The following ATXN7L1 variants were observed in gnomAD, a reference collection of about 807,000 sequenced individuals.
ATXN7L1 encodes the protein ataxin 7 like 1.
A neutral mutation model predicts 70.8 loss-of-function variants in ATXN7L1; 15 were observed. That is an observed-to-expected ratio of 0.21 (90% CI 0.14 to 0.33). The LOEUF (loss-of-function observed/expected upper bound fraction) is 0.33, where lower values mean the gene tolerates loss of function less well. Ranked by LOEUF, ATXN7L1 falls within the 10% of genes least tolerant of loss-of-function variation. The probability of loss-of-function intolerance (pLI) is 1.00; values close to 1 mark genes in which losing one functional copy is unlikely to be tolerated. For missense variants in ATXN7L1, 975 were observed against 1,097.1 expected, an observed-to-expected ratio of 0.89 and a Z score of 1.57; for synonymous variants, 440 against 445.1, an observed-to-expected ratio of 0.99 and a Z score of 0.14.
chr7:105,631,711 C>T (rs547738147), intron 7 of ATXN7L1, among the ~76,000 whole-genome samples: 5 of 152,360 alleles, frequency 3.3e-5, no homozygotes, highest in Admixed American at 1.3e-4. Context: ...AAGTGATCTG[C>T]CTCCCTGGGC....
chr7:105,846,315 A>C (rs56079846), intron 2 of ATXN7L1, among the ~76,000 whole-genome samples: 10,065 of 152,238 alleles, frequency 0.066, 366 homozygotes, highest in Non-Finnish European at 0.079. Flanking sequence ...CTCTAAAAGA[A>C]ATAAAATTTG....
intron 2 of ATXN7L1, among the ~76,000 whole-genome samples, chr7:105,830,328 A>G (rs959600300): frequency 2.6e-5 from 4 of 152,248 alleles, no homozygotes; most frequent in Non-Finnish European, 4.4e-5. Flanking sequence ...AAATGATTCT[A>G]TCCTTCAAAC....
At chr7:105,768,292 A>G (rs1348902464) in intron 3 of ATXN7L1, among the ~76,000 whole-genome samples, 7 of 152,204 alleles carry the variant, frequency 4.6e-5, no homozygotes, top group Admixed American at 4.6e-4. Context: ...CATTCCATAG[A>G]TGGGCAAACA....
chr7:105,811,677 A>G (rs1002320418), intron 2 of ATXN7L1, among the ~76,000 whole-genome samples: 9 of 152,182 alleles, frequency 5.9e-5, no homozygotes, highest in African/African-American at 1.2e-4. Context: ...GAATAAAAGT[A>G]TACATGGGAA....
chr7:105,751,532 A>T (rs1020905023), intron 3 of ATXN7L1, among the ~76,000 whole-genome samples: 3 of 152,080 alleles, frequency 2.0e-5, no homozygotes, highest in Non-Finnish European at 4.4e-5. Flanking sequence ...GCTCCTTGGG[A>T]GACTGAGGTG....
In ATXN7L1 at chr7:105,614,762, G is replaced by A. The variant is rs1793614492; in HGVS notation, c.1572C>T (p.Thr524=). Residue 524 remains threonine (T), a synonymous_variant, in exon 10 of 12, where the codon ACC becomes ACT. Coordinates refer to ENST00000419735, the MANE Select transcript of ATXN7L1 (RefSeq NM_020725.2). The surrounding 1 kb of genome is among the most constrained non-coding windows in gnomAD (Gnocchi z 4.3). ...GCAAAACGGATGCTGGAACGGGGGTGGTGATGTGGGCTGCTGGCGAGGGCA... is the reference window on the plus strand; with the variant it reads ...GCAAAACGGATGCTGGAACGGGGGTAGTGATGTGGGCTGCTGGCGAGGGCA... ...SPLPSPAAHI[T]TPVPASVLQP... 3.2e-6 allele frequency: 5 copies of A among 1,551,598 alleles called. No homozygotes were observed. The highest frequency in any genetic ancestry group is 4.4e-6 in the Non-Finnish European group (5 of 1,146,994).
chr7:105,831,509 T>C (rs888281443), intron 2 of ATXN7L1, among the ~76,000 whole-genome samples: 2 of 152,236 alleles, frequency 1.3e-5, no homozygotes, highest in Non-Finnish European at 2.9e-5. Flanking sequence ...CGAGGAACTA[T>C]GAAAAGTGCT....
intron 3 of ATXN7L1, among the ~76,000 whole-genome samples, chr7:105,739,808 G>A (rs1033959123): frequency 6.6e-6 from 1 of 152,160 alleles, no homozygotes; most frequent in African/African-American, 2.4e-5. Flanking sequence ...CTGGTATTGG[G>A]GATCAGTCGG....
chr7:105,742,920 T>G (rs1240490407), intron 3 of ATXN7L1, among the ~76,000 whole-genome samples: 1 of 152,110 alleles, frequency 6.6e-6, no homozygotes, highest in Non-Finnish European at 1.5e-5. Flanking sequence ...ATCCCACGAT[T>G]CACCTCTCCC....
intron 2 of ATXN7L1, chr7:105,819,626 C>A: frequency 2.3e-6 from 2 of 878,152 alleles, no homozygotes; most frequent in Non-Finnish European, 3.9e-6. Flanking sequence ...TCATTTCTGG[C>A]CATTTCTACA....
At chr7:105,758,033 A>T (rs527727806) in intron 3 of ATXN7L1, among the ~76,000 whole-genome samples, 2 of 149,412 alleles carry the variant, frequency 1.3e-5, no homozygotes, top group Non-Finnish European at 3.0e-5. Flanking sequence ...GGAATTCCAT[A>T]GTTCTTCCCT....
At position 105,804,541 on chromosome 7, in the gene ATXN7L1, C is replaced by T. The variant is rs147660009; in HGVS notation, c.251-15833G>A. ...AGCCCTAGAAATAAATTTATATGCT[C>T]GCCTGACAGTTCTACAAACACTTAT... On this transcript the variant is annotated intron_variant, in intron 2 of 11. Transcript: ENST00000419735. Among the ~76,000 whole-genome samples the T allele has an allele frequency of 1.2e-4, 19 of 152,256 alleles. No homozygotes were observed. The East Asian group carries it at 3.3e-3, about 26-fold the overall frequency.
chr7:105,740,661 C>T (rs748560985), intron 3 of ATXN7L1, among the ~76,000 whole-genome samples: 3 of 151,758 alleles, frequency 2.0e-5, no homozygotes, highest in Non-Finnish European at 4.4e-5. Context: ...TCTGAAGTTT[C>T]CTGTGGATGA....
chr7:105,647,946 A>G (rs116890711), intron 4 of ATXN7L1, among the ~76,000 whole-genome samples: 1 of 152,316 alleles, frequency 6.6e-6, no homozygotes, highest in East Asian at 1.9e-4. Context: ...TCTACTGTCA[A>G]TGATTCCAGA....
intron 3 of ATXN7L1, among the ~76,000 whole-genome samples, chr7:105,775,453 C>T (rs891700817): frequency 6.6e-6 from 1 of 152,166 alleles, no homozygotes; most frequent in African/African-American, 2.4e-5. Flanking sequence ...GCATGTGACA[C>T]TCCAGGAAGG....
chr7:105,733,007 C>T (rs1048573689), intron 3 of ATXN7L1, among the ~76,000 whole-genome samples: 1 of 152,240 alleles, frequency 6.6e-6, no homozygotes, highest in Non-Finnish European at 1.5e-5. Flanking sequence ...AACCCTACAT[C>T]ATCACTCCCT....
At chr7:105,844,541 A>T (rs1813689933) in intron 2 of ATXN7L1, among the ~76,000 whole-genome samples, 1 of 152,204 alleles carries the variant, frequency 6.6e-6, no homozygotes, top group Non-Finnish European at 1.5e-5. Flanking sequence ...TTCTTAATAA[A>T]AACACTCAAC....
At chr7:105,845,022 T>C (rs565103215) in intron 2 of ATXN7L1, among the ~76,000 whole-genome samples, 1 of 152,010 alleles carries the variant, frequency 6.6e-6, no homozygotes, top group East Asian at 1.9e-4. Flanking sequence ...CTGGCCAACA[T>C]GGTGAAACCC....
chr7:105,729,048 G>A (rs1050529242), intron 3 of ATXN7L1, among the ~76,000 whole-genome samples: 4 of 152,100 alleles, frequency 2.6e-5, no homozygotes, highest in African/African-American at 9.7e-5. Context: ...AGGATTGCTT[G>A]AACCCAGGAG....
Sources: gnomAD v4.1 joint callset for allele counts (sites outside exome capture counted in the v4.1 genomes callset) on GRCh38, gnomAD v4.1.1 for gene constraint, Gnocchi (gnomAD v3.1) non-coding constraint, MANE v1.5 for transcripts, NCBI Gene and HGNC (gene_info 2026-07-23, HGNC 2026-07-21) for gene names.